Variants in RTN4RL1 observed in about 807,000 individuals in gnomAD.
RTN4RL1 encodes reticulon-4 receptor-like 1.
In RTN4RL1, 7 loss-of-function variants were observed where a neutral mutation model predicts 25.6. The observed-to-expected ratio is 0.27, with a 90% CI of 0.16 to 0.51. RTN4RL1 has a LOEUF of 0.51. Ranked by LOEUF, RTN4RL1 falls within the 20% of genes least tolerant of loss-of-function variation. The pLI, the probability that RTN4RL1 is intolerant of heterozygous loss-of-function variation, is 0.97. For synonymous variants in RTN4RL1, 297 were observed against 288.2 expected (o/e 1.03, Z -0.31); for missense variants, 500 against 615.6 (o/e 0.81, Z 1.99).
intron 1 of RTN4RL1, among the ~76,000 whole-genome samples, chr17:1,977,521 C>T (rs1399079583): frequency 1.3e-5 from 2 of 152,138 alleles, no homozygotes; most frequent in Admixed American, 6.5e-5. Context: ...CCCAGTGCCG[C>T]CCCCCACCCC....
At chr17:1,983,572 C>A (rs947437267) in intron 1 of RTN4RL1, among the ~76,000 whole-genome samples, 1 of 152,070 alleles carries the variant, frequency 6.6e-6, no homozygotes, top group Non-Finnish European at 1.5e-5. Flanking sequence ...CTAACAGCTT[C>A]TATTTTTTCT....
chr17:1,972,412 T>G (rs931156379), intron 1 of RTN4RL1, among the ~76,000 whole-genome samples: 1 of 152,062 alleles, frequency 6.6e-6, no homozygotes, highest in Non-Finnish European at 1.5e-5. Flanking sequence ...CCGGCCTGGC[T>G]TCAAGGCCCT....
At chr17:1,988,585 G>A (rs2066897187) in intron 1 of RTN4RL1, among the ~76,000 whole-genome samples, 1 of 151,778 alleles carries the variant, frequency 6.6e-6, no homozygotes, top group South Asian at 2.1e-4. Context: ...CCTCTCCAGA[G>A]GTGTCTCTCT....
chr17:1,976,478 T>G (rs2066843140), intron 1 of RTN4RL1, among the ~76,000 whole-genome samples: 2 of 152,184 alleles, frequency 1.3e-5, no homozygotes. Context: ...GAGGTTTAAG[T>G]AGTGTTGGTG....
Position 1,936,080 on chromosome 17 carries a change from T to G in RTN4RL1, c.*416A>C. The G allele has an allele frequency of 1.0e-6, 1 of 1,002,030 alleles. No individual in the cohort carries two copies. The highest frequency in any genetic ancestry group is 1.2e-6 in the Non-Finnish European group (1 of 840,704). The allele number at this position is 1,002,030 out of a possible 1,614,324, so 62.1% of individuals were successfully genotyped here. A position where few individuals can be genotyped will look rare whatever the true frequency, so the allele number is the denominator to read the frequency against. On this transcript the variant is annotated 3_prime_UTR_variant, in exon 2 of 2. Transcript: ENST00000331238. ...CACCCAGCCTCGTGGGTGAGCCTCA[T>G]TTGTTCTTCTCTGCGTCCTGCTTTC... is the stretch of plus-strand genomic sequence containing the variant.
intron 1 of RTN4RL1, among the ~76,000 whole-genome samples, chr17:1,971,002 A>G (rs1426541891): frequency 3.3e-5 from 5 of 152,202 alleles, no homozygotes; most frequent in Non-Finnish European, 5.9e-5. Flanking sequence ...ACCACGTGCC[A>G]GTGACTGTGA....
intron 1 of RTN4RL1, among the ~76,000 whole-genome samples, chr17:2,008,282 A>AC (rs1042000120): frequency 1.3e-5 from 2 of 152,052 alleles, no homozygotes; most frequent in African/African-American, 4.8e-5. Flanking sequence ...AAAAAAAAAA[A>AC]AGACCACCCC....
At chr17:1,953,461 G>T (rs1402787793) in intron 1 of RTN4RL1, among the ~76,000 whole-genome samples, 1 of 152,070 alleles carries the variant, frequency 6.6e-6, no homozygotes, top group Non-Finnish European at 1.5e-5. Context: ...TAAATGATGA[G>T]TTAATGGGTG....
intron 1 of RTN4RL1, chr17:2,020,571 G>A (rs2067187737): frequency 6.6e-6 from 1 of 152,172 alleles, no homozygotes; most frequent in Non-Finnish European, 1.5e-5. Context: ...GGAAACCAAG[G>A]GAACCAAATG....
At chr17:1,951,447 T>C (rs1200207309) in intron 1 of RTN4RL1, among the ~76,000 whole-genome samples, 2 of 150,662 alleles carry the variant, frequency 1.3e-5, no homozygotes, top group African/African-American at 2.4e-5. Flanking sequence ...TTTTTTGTTG[T>C]TTTTTTGTTT....
intron 1 of RTN4RL1, among the ~76,000 whole-genome samples, chr17:1,945,519 C>CT (rs1567849620): frequency 6.6e-6 from 1 of 152,092 alleles, no homozygotes; most frequent in Non-Finnish European, 1.5e-5. Context: ...TGCGCCCAGT[C>CT]TTTTTTTAAA....
intron 1 of RTN4RL1, among the ~76,000 whole-genome samples, chr17:1,979,955 G>A (rs1214653048): frequency 6.6e-6 from 1 of 152,230 alleles, no homozygotes; most frequent in Non-Finnish European, 1.5e-5. Flanking sequence ...GAGAAGCCAT[G>A]CTGAGCCCCA....
intron 1 of RTN4RL1, among the ~76,000 whole-genome samples, chr17:2,020,997 G>A (rs558469875): frequency 6.6e-6 from 1 of 152,300 alleles, no homozygotes; most frequent in East Asian, 1.9e-4. Flanking sequence ...CTTAACCAGA[G>A]GCTTGCTTTT....
chr17:1,990,330 G>A (rs1049302411), intron 1 of RTN4RL1, among the ~76,000 whole-genome samples: 1 of 152,056 alleles, frequency 6.6e-6, no homozygotes, highest in African/African-American at 2.4e-5. Flanking sequence ...TCGAGCCACT[G>A]CACTCAGCCT....
intron 1 of RTN4RL1, among the ~76,000 whole-genome samples, chr17:1,977,885 C>T (rs2151315346): frequency 6.6e-6 from 1 of 151,944 alleles, no homozygotes; most frequent in East Asian, 1.9e-4. Flanking sequence ...CATCCTGCAT[C>T]CTGCACCCCG....
intron 1 of RTN4RL1, among the ~76,000 whole-genome samples, chr17:1,950,704 G>A (rs1350666774): frequency 2.0e-5 from 3 of 151,492 alleles, no homozygotes; most frequent in East Asian, 3.9e-4. Flanking sequence ...AAAATTAGAC[G>A]GGTGTGGTGG....
At chr17:1,953,112 A>C (rs1246452039) in intron 1 of RTN4RL1, among the ~76,000 whole-genome samples, 1 of 151,630 alleles carries the variant, frequency 6.6e-6, no homozygotes, top group African/African-American at 2.4e-5. Context: ...TAAATATTAA[A>C]AAATAAAAAT....
rs2151320194 is a variant in RTN4RL1 at position 1,994,683 on chromosome 17, C to T, written c.13+30170G>A. Among the ~76,000 whole-genome samples, 1 of 152,190 alleles carries T rather than the reference C, an allele frequency of 6.6e-6. No homozygotes were observed. Among genetic ancestry groups the T allele is most frequent in the African/African-American group, 2.4e-5 (1 of 41,522 alleles). On this transcript the variant is annotated intron_variant, in intron 1 of 1. Coordinates refer to ENST00000331238, the MANE Select transcript of RTN4RL1 (RefSeq NM_178568.4). This position sits in a 1 kb window ranked among gnomAD's most constrained non-coding sequence, Gnocchi z 4.3. ...CCGCCACTGACAGGCCCGGTGACCTCGGTCAACACAAGCAGGCTCTGCTGC... is the reference window on the plus strand; with the variant it reads ...CCGCCACTGACAGGCCCGGTGACCTTGGTCAACACAAGCAGGCTCTGCTGC...
At chr17:1,951,636 A>G (rs1300375613) in intron 1 of RTN4RL1, among the ~76,000 whole-genome samples, 1 of 152,036 alleles carries the variant, frequency 6.6e-6, no homozygotes, top group African/African-American at 2.4e-5. Context: ...TTTTTAGTAG[A>G]GATGGGGTTT....
Sources: gnomAD v4.1 joint callset for allele counts (sites outside exome capture counted in the v4.1 genomes callset) on GRCh38, gnomAD v4.1.1 for gene constraint, Gnocchi (gnomAD v3.1) non-coding constraint, MANE v1.5 for transcripts, NCBI Gene and HGNC (gene_info 2026-07-23, HGNC 2026-07-21) for gene names.